ATAD5: variants seen among roughly 807,000 people sequenced by gnomAD.
The protein encoded by ATAD5 is ATPase family AAA domain containing 5.
Under a neutral mutation model 176.9 loss-of-function variants are expected in ATAD5, and 58 were observed. The observed-to-expected ratio is 0.33, with a 90% confidence interval of 0.27 to 0.41. The LOEUF is 0.41. ATAD5 is among the 10% of genes least tolerant of loss of function. The probability of loss-of-function intolerance (pLI) is 1.00; values close to 1 mark genes in which losing one functional copy is unlikely to be tolerated. For missense variants in ATAD5, 1,789 were observed against 2,094.1 expected (o/e 0.85, Z 2.84); for synonymous variants, 640 against 712.6 (o/e 0.90, Z 1.62).
At position 30,871,073 on chromosome 17, in the gene ATAD5, G is replaced by A. The variant is rs114950156; in HGVS notation, c.3607+1427G>A. Among the ~76,000 whole-genome samples the A allele has an allele frequency of 5.1e-3, 776 of 151,228 alleles. 13 individuals are homozygous for A. Among genetic ancestry groups the A allele is most frequent in the African/African-American group, 0.018 (736 of 41,188 alleles). ...ACTTGAAATTGTCTCCTGGCACACT[G>A]ATGCTTTGTTCAATTTTTCAGTCTT... On this transcript the variant is annotated intron_variant, in intron 14 of 22. Coordinates refer to ENST00000321990, the MANE Select transcript of ATAD5 (RefSeq NM_024857.5).
intron 2 of ATAD5, among the ~76,000 whole-genome samples, chr17:30,836,688 C>T (rs1905766587): frequency 6.6e-6 from 1 of 152,124 alleles, no homozygotes; most frequent in South Asian, 2.1e-4. Context: ...GTGCCTCAGC[C>T]TCCTGAGTAG....
chr17:30,850,141 TA>T (rs940731563), intron 6 of ATAD5, among the ~76,000 whole-genome samples: 3 of 151,282 alleles, frequency 2.0e-5, no homozygotes, highest in South Asian at 2.1e-4. Flanking sequence ...ATGCGGTCGC[TA>T]AAAAAAAATT....
chr17:30,858,075 G>A, intron 8 of ATAD5, 86 bp from the exon 9 acceptor site: 1 of 1,213,938 alleles, frequency 8.2e-7, no homozygotes, highest in Non-Finnish European at 1.1e-6. Flanking sequence ...ACTGATTTAT[G>A]ATGGACAGAA....
chr17:30,879,217 A>G (rs180783749), intron 17 of ATAD5, among the ~76,000 whole-genome samples: 2 of 152,240 alleles, frequency 1.3e-5, no homozygotes, highest in African/African-American at 4.8e-5. Flanking sequence ...TTGAGCTTAT[A>G]ATCCTAGCTG....
At chr17:30,837,722 G>A (rs1443013600) in intron 3 of ATAD5, among the ~76,000 whole-genome samples, 1 of 152,146 alleles carries the variant, frequency 6.6e-6, no homozygotes, top group Admixed American at 6.6e-5. Context: ...TGCAGTGTCT[G>A]GTGAAGCTGT....
In ATAD5 at chr17:30,895,428, G is replaced by A. The variant is rs1288180530; in HGVS notation, c.*515G>A. 4.9e-5 allele frequency: 7 copies of A among 143,020 alleles called. No individual in the cohort carries two copies. The highest frequency in any genetic ancestry group is 1.0e-4 in the African/African-American group (4 of 38,660). The allele number at this position is 143,020 out of a possible 1,614,324, so 8.9% of individuals were successfully genotyped here. ...TGCTTTTTTTTTTTTTTTTTGAGACGGAATCTTGCTCTGTCACCCAGGCTG... is the reference window on the plus strand; with the variant it reads ...TGCTTTTTTTTTTTTTTTTTGAGACAGAATCTTGCTCTGTCACCCAGGCTG... On this transcript the variant is annotated 3_prime_UTR_variant, in exon 23 of 23. Coordinates refer to ENST00000321990, the MANE Select transcript of ATAD5 (RefSeq NM_024857.5).
Position 30,835,512 on chromosome 17 carries a change from G to A in ATAD5, c.1431G>A (p.Lys477=), listed in dbSNP as rs1905670647. ...KGSFLKEKNK[K]LKKKNKKTLD... is the part of the protein sequence containing the mutation. ...GTTTTCTGAAGGAGAAAAATAAAAA[G>A]CTAAAGAAGAAGAATAAGAAAACAT... The change falls in exon 2 of 23, where the codon AAG becomes AAA. Residue 477 remains lysine (K), a synonymous_variant. Coordinates refer to ENST00000321990, the MANE Select transcript of ATAD5 (RefSeq NM_024857.5). 1 of 1,606,512 alleles carries A rather than the reference G, an allele frequency of 6.2e-7. No individual in the cohort carries two copies. The highest frequency in any genetic ancestry group is 8.5e-7 in the Non-Finnish European group (1 of 1,178,334).
At chr17:30,857,834 G>A (rs946803224) in intron 8 of ATAD5, among the ~76,000 whole-genome samples, 3 of 149,876 alleles carry the variant, frequency 2.0e-5, no homozygotes, top group African/African-American at 7.4e-5. Flanking sequence ...TCTGCCTCCC[G>A]GGTTCAAGCG....
At chr17:30,876,582 T>C (rs774182453) in intron 15 of ATAD5, 32 bp downstream of exon 15, 2 of 1,404,490 alleles carry the variant, frequency 1.4e-6, no homozygotes, top group Non-Finnish European at 1.9e-6. Context: ...TTTTATATTT[T>C]TTAATAATAA....
Position 30,876,428 on chromosome 17 carries a change from C to A in ATAD5, c.3662C>A (p.Pro1221Gln). 1 of 1,606,264 alleles carries A rather than the reference C, an allele frequency of 6.2e-7. No individual in the cohort carries two copies. The highest frequency in any genetic ancestry group is 1.3e-5 in the African/African-American group (1 of 74,636). ...ACATCACCAAGAAAAGTTCCTCCACCATCACCAAAAAGTAGTGGACCAAAG... is the reference window on the plus strand; with the variant it reads ...ACATCACCAAGAAAAGTTCCTCCACAATCACCAAAAAGTAGTGGACCAAAG... ...VVTSPRKVPP[P>Q]SPKSSGPKRA... The change falls in exon 15 of 23, where the codon CCA (proline) becomes CAA (glutamine). Residue 1221 changes from proline to glutamine, a missense_variant. Pro to Gln is a moderately conservative substitution (Grantham distance 76). Coordinates refer to ENST00000321990, the MANE Select transcript of ATAD5 (RefSeq NM_024857.5).
intron 18 of ATAD5, among the ~76,000 whole-genome samples, chr17:30,885,688 C>A (rs1250034514): frequency 7.8e-6 from 1 of 127,962 alleles, no homozygotes; most frequent in Non-Finnish European, 1.5e-5. Flanking sequence ...GGCTGGAGTG[C>A]AGTGGGGCAA....
intron 19 of ATAD5, among the ~76,000 whole-genome samples, chr17:30,890,418 CTTTTTTTTTT>C (rs968126768): frequency 3.7e-5 from 4 of 106,722 alleles, no homozygotes; most frequent in Non-Finnish European, 3.9e-5. Context: ...CTCTTCTTTT[CTTTTTTTTTT>C]TTTTTTTTTT....
rs1357545908 is a variant in ATAD5, at chr17:30,880,561, TC to T, written c.4077+1075del. Among the ~76,000 whole-genome samples the T allele has an allele frequency of 2.7e-5, 4 of 149,924 alleles. No homozygotes were observed. The South Asian group carries it at 8.3e-4, about 31-fold the overall frequency. ...AGATGGAGGTTGTGGTGAGCCTAGA[TC>T]GTGCTATTGCACTCCAGCCTGGGCA... On this transcript the variant is annotated intron_variant, in intron 18 of 22. Coordinates refer to ENST00000321990, the MANE Select transcript of ATAD5 (RefSeq NM_024857.5).
intron 6 of ATAD5, among the ~76,000 whole-genome samples, 197 bp from the exon 7 acceptor site, chr17:30,854,946 A>G (rs1311840005): frequency 1.3e-5 from 2 of 151,832 alleles, no homozygotes; most frequent in Non-Finnish European, 2.9e-5. Context: ...TTTAGTAGAG[A>G]TGGGGTTTCA....
Position 30,876,359 on chromosome 17 carries a change from T to C in ATAD5, c.3608-15T>C, listed in dbSNP as rs1176942338. The C allele has an allele frequency of 6.4e-7, 1 of 1,568,190 alleles. No homozygotes were observed. Among genetic ancestry groups the C allele is most frequent in the Non-Finnish European group, 8.6e-7 (1 of 1,161,874 alleles). ...TTAGAATATTTATCTTTAAGTGCAA[T>C]TTGTTTTTGGGCAGAAAAAATAAGC... On this transcript the variant is annotated splice_polypyrimidine_tract_variant and intron_variant, in intron 14 of 22. Coordinates refer to ENST00000321990, the MANE Select transcript of ATAD5 (RefSeq NM_024857.5).
In ATAD5 at chr17:30,843,997, G is replaced by A. The variant is rs745570272; in HGVS notation, c.2326G>A (p.Val776Met). 6.4e-7 allele frequency: 1 copy of A among 1,562,904 alleles called. No homozygotes were observed. The highest frequency in any genetic ancestry group is 8.6e-7 in the Non-Finnish European group (1 of 1,157,190). Reference protein sequence around the residue: ...NQKKLQCLNDVLGKKLNTSTK... With the variant: ...NQKKLQCLNDMLGKKLNTSTK... ...GAAGAAACTTCAGTGTTTGAATGAT[G>A]TGCTAGGAAAAAAACTTAACACATC... is the stretch of plus-strand genomic sequence containing the variant. Residue 776 changes from valine to methionine, a missense_variant, in exon 5 of 23, where the codon GTG becomes ATG. This residue lies in a region of ATAD5 where 487 missense variants were observed against 573.6 expected (regional missense o/e 0.85). Coordinates refer to ENST00000321990, the MANE Select transcript of ATAD5 (RefSeq NM_024857.5).
chr17:30,872,817 G>C (rs1908418449), intron 14 of ATAD5, among the ~76,000 whole-genome samples: 1 of 151,990 alleles, frequency 6.6e-6, no homozygotes, highest in South Asian at 2.1e-4. Context: ...CGGTCTCCCA[G>C]AGTGCTGGGA....
intron 18 of ATAD5, among the ~76,000 whole-genome samples, chr17:30,886,330 T>C (rs186296865): frequency 1.3e-5 from 2 of 151,554 alleles, no homozygotes; most frequent in Admixed American, 1.3e-4. Context: ...TCAGTGAATT[T>C]ATGAGTTTTC....
intron 14 of ATAD5, among the ~76,000 whole-genome samples, chr17:30,874,488 C>T (rs1434732516): frequency 7.5e-6 from 1 of 134,032 alleles, no homozygotes; most frequent in Non-Finnish European, 1.5e-5. Context: ...TTGCAGTGAG[C>T]TGAGATTGTG....
Sources: gnomAD v4.1 joint callset for allele counts (sites outside exome capture counted in the v4.1 genomes callset) on GRCh38, gnomAD v4.1.1 for gene constraint, gnomAD v4.1.1 regional missense constraint, MANE v1.5 for transcripts, NCBI Gene and HGNC (gene_info 2026-07-23, HGNC 2026-07-21) for gene names.